PLS1: variants seen among roughly 807,000 people sequenced by gnomAD.
The protein encoded by PLS1 is plastin 1.
A neutral mutation model predicts 73.7 loss-of-function variants in PLS1; 32 were observed. That is an observed-to-expected ratio of 0.43 (90% CI 0.33 to 0.58). The LOEUF is 0.58. PLS1 is among the 20% of genes least tolerant of loss of function. The pLI, the probability that PLS1 is intolerant of heterozygous loss-of-function variation, is 0.04. For synonymous variants in PLS1, 217 were observed against 261.3 expected, an observed-to-expected ratio of 0.83 and a Z score of 1.63; for missense variants, 633 against 740.5, an observed-to-expected ratio of 0.85 and a Z score of 1.68.
chr3:142,596,682 T>C (rs942632157), intron 1 of PLS1, among the ~76,000 whole-genome samples, 173 bp downstream of exon 1: 5 of 152,248 alleles, frequency 3.3e-5, no homozygotes, highest in African/African-American at 1.2e-4. Context: ...TGGGCACGCT[T>C]CTGCCCAGTC....
In PLS1 at chr3:142,681,051, G is replaced by T. The variant is rs1577884461; in HGVS notation, c.579+2938G>T. Among the ~76,000 whole-genome samples the T allele has an allele frequency of 3.3e-5, 5 of 152,156 alleles. No homozygotes were observed. In the East Asian group the frequency reaches 9.6e-4, roughly 29 times the overall value. On this transcript the variant is annotated intron_variant, in intron 6 of 15. Transcript: ENST00000457734. ...CACTAAAATTGTTGAGTCTTCTATA[G>T]AAAGCTAGTCTTCTATAGACTATTA...
intron 1 of PLS1, among the ~76,000 whole-genome samples, chr3:142,641,174 A>ATATT (rs957659923): frequency 7.0e-6 from 1 of 142,878 alleles, no homozygotes; most frequent in African/African-American, 2.7e-5. Flanking sequence ...ATATATATAT[A>ATATT]TTATATATAT....
intron 1 of PLS1, among the ~76,000 whole-genome samples, chr3:142,600,891 TATATATATATATATATATATA>T (rs2035902687): frequency 1.8e-4 from 4 of 22,084 alleles, no homozygotes; most frequent in South Asian, 3.5e-3. Context: ...TATATATATA[TATATATATATATATATATATA>T]TATATTTTTT....
chr3:142,625,392 C>G (rs2036401607), intron 1 of PLS1, among the ~76,000 whole-genome samples: 1 of 152,020 alleles, frequency 6.6e-6, no homozygotes, highest in Non-Finnish European at 1.5e-5. Flanking sequence ...CTCTTTCCTT[C>G]CAAATGTTTC....
chr3:142,606,734 C>T (rs377450268), intron 1 of PLS1, among the ~76,000 whole-genome samples: 12 of 152,088 alleles, frequency 7.9e-5, no homozygotes, highest in Admixed American at 2.6e-4. Flanking sequence ...TCACTTAGCA[C>T]AATGATGTCA....
intron 1 of PLS1, among the ~76,000 whole-genome samples, chr3:142,628,088 A>G (rs1038640593): frequency 6.6e-6 from 1 of 152,204 alleles, no homozygotes; most frequent in African/African-American, 2.4e-5. Context: ...TCTTTCTTGA[A>G]TATCATGTAG....
intron 6 of PLS1, 107 bp from the exon 7 acceptor site, chr3:142,683,899 G>C: frequency 1.4e-6 from 1 of 703,800 alleles, no homozygotes; most frequent in Non-Finnish European, 2.3e-6. Context: ...TAAATATTAT[G>C]TTTATAAATC....
At chr3:142,612,106 A>G (rs2036133282) in intron 1 of PLS1, among the ~76,000 whole-genome samples, 1 of 152,208 alleles carries the variant, frequency 6.6e-6, no homozygotes, top group African/African-American at 2.4e-5. Context: ...TAAAGATTAA[A>G]AAATTATTTT....
intron 1 of PLS1, among the ~76,000 whole-genome samples, chr3:142,647,701 G>A (rs2036988323): frequency 6.6e-6 from 1 of 151,688 alleles, no homozygotes; most frequent in Non-Finnish European, 1.5e-5. Context: ...ACGGGGTTTC[G>A]TTATGTTGAC....
chr3:142,616,769 A>G (rs1268081872), intron 1 of PLS1, among the ~76,000 whole-genome samples: 4 of 151,970 alleles, frequency 2.6e-5, no homozygotes, highest in African/African-American at 9.7e-5. Context: ...TGCCTGGCCA[A>G]TTTTTATATT....
intron 1 of PLS1, among the ~76,000 whole-genome samples, chr3:142,614,484 A>G (rs1049802606): frequency 2.0e-5 from 3 of 152,246 alleles, no homozygotes; most frequent in African/African-American, 2.4e-5. Context: ...CAGTGTTACC[A>G]TACAGGAATG....
At chr3:142,700,131 C>G (rs2038296451) in intron 12 of PLS1, among the ~76,000 whole-genome samples, 1 of 151,978 alleles carries the variant, frequency 6.6e-6, no homozygotes, top group African/African-American at 2.4e-5. Flanking sequence ...CAGAATGAAA[C>G]ATAAAGCCTG....
intron 1 of PLS1, among the ~76,000 whole-genome samples, chr3:142,648,784 C>T (rs552787473): frequency 2.0e-5 from 3 of 152,246 alleles, no homozygotes; most frequent in Admixed American, 6.5e-5. Context: ...GAATTGTCTG[C>T]CATACATCCT....
At position 142,711,638 on chromosome 3, in the gene PLS1, G is replaced by A. The variant is rs759787664; in HGVS notation, c.1754+13G>A. 3 of 1,588,320 alleles carry A rather than the reference G, an allele frequency of 1.9e-6. No homozygotes were observed. Among genetic ancestry groups the A allele is most frequent in the Non-Finnish European group, 2.6e-6 (3 of 1,161,138 alleles). ...TGAACAATGCTAAGTAAGCCTTTAT[G>A]GTTTATATTACAATACATGGCCCTT... On this transcript the variant is annotated intron_variant, in intron 15 of 15. Transcript: ENST00000457734.
chr3:142,701,073 G>A (rs1303694512), intron 12 of PLS1, among the ~76,000 whole-genome samples: 3 of 152,170 alleles, frequency 2.0e-5, no homozygotes, highest in African/African-American at 4.8e-5. Context: ...TATCAGCAGT[G>A]TGAAAACAGA....
chr3:142,651,102 A>C (rs965605832), intron 1 of PLS1, among the ~76,000 whole-genome samples: 2 of 152,150 alleles, frequency 1.3e-5, no homozygotes, highest in African/African-American at 4.8e-5. Flanking sequence ...TCTGGCCCTC[A>C]GTGAGCTAAT....
At chr3:142,679,228 T>G (rs113579078) in intron 6 of PLS1, among the ~76,000 whole-genome samples, 15,827 of 150,436 alleles carry the variant, frequency 0.11, 846 homozygotes, top group Non-Finnish European at 0.12. Context: ...TAGGTTGCCT[T>G]TTCACTCTGA....
chr3:142,642,023 T>TTCA (rs1161906150), intron 1 of PLS1, among the ~76,000 whole-genome samples: 1 of 152,166 alleles, frequency 6.6e-6, no homozygotes, highest in African/African-American at 2.4e-5. Flanking sequence ...AGCTTCCCAC[T>TTCA]TCATATCTGG....
At chr3:142,691,489 C>T (rs1214828392) in intron 10 of PLS1, among the ~76,000 whole-genome samples, 1 of 152,066 alleles carries the variant, frequency 6.6e-6, no homozygotes, top group African/African-American at 2.4e-5. Flanking sequence ...TCACTGAATT[C>T]TTGCTAGGTA....
Sources: allele counts gnomAD v4.1 joint callset (sites outside exome capture counted in the v4.1 genomes callset), GRCh38; gene constraint gnomAD v4.1.1; transcripts MANE v1.5; gene names NCBI Gene and HGNC (gene_info 2026-07-23, HGNC 2026-07-21).